Variants in CCDC171 observed in about 807,000 individuals in gnomAD.
CCDC171 encodes coiled-coil domain containing 171, also known as coiled-coil domain-containing protein 171.
Under a neutral mutation model 168.2 loss-of-function variants are expected in CCDC171, and 177 were observed. The observed-to-expected ratio is 1.05, with a 90% CI of 0.93 to 1.19. The LOEUF (loss-of-function observed/expected upper bound fraction) is 1.19, where lower values mean the gene tolerates loss of function less well. CCDC171 is among the 50% of genes most tolerant of loss of function. The pLI, the probability that CCDC171 is intolerant of heterozygous loss-of-function variation, is 0.00. For missense variants in CCDC171, 1,991 were observed against 1,539.0 expected, an observed-to-expected ratio of 1.29 and a Z score of -4.91; for synonymous variants, 687 against 540.8, an observed-to-expected ratio of 1.27 and a Z score of -3.75.
chr9:15,920,532 A>G (rs1257159668), intron 25 of CCDC171, 110 bp downstream of exon 25: 1 of 751,540 alleles, frequency 1.3e-6, no homozygotes, highest in African/African-American at 1.8e-5. Flanking sequence ...AATTTAGGGT[A>G]AATGATCAAT....
At chr9:15,965,649 A>G (rs989579157) in intron 25 of CCDC171, among the ~76,000 whole-genome samples, 3 of 152,244 alleles carry the variant, frequency 2.0e-5, no homozygotes, top group Non-Finnish European at 4.4e-5. Flanking sequence ...CTATAATTGT[A>G]AAGTTAGAAT....
intron 25 of CCDC171, among the ~76,000 whole-genome samples, chr9:15,936,488 T>A (rs950409652): frequency 6.6e-6 from 1 of 152,000 alleles, no homozygotes; most frequent in African/African-American, 2.4e-5. Context: ...CATCTCATTG[T>A]GTGCAGCTGC....
the CCDC171 span, among the ~76,000 whole-genome samples, chr9:16,086,725 C>T: frequency 8.6e-5 from 13 of 152,038 alleles, no homozygotes; most frequent in East Asian, 9.7e-4. Flanking sequence ...AGTTTGGCTC[C>T]GATCTTAGTT....
intron 10 of CCDC171, among the ~76,000 whole-genome samples, chr9:15,680,168 T>G (rs1257433765): frequency 1.1e-4 from 16 of 152,212 alleles, no homozygotes. Flanking sequence ...TTACTTCATT[T>G]TACATACCTA....
intron 25 of CCDC171, among the ~76,000 whole-genome samples, chr9:15,944,279 C>G (rs550686181): frequency 2.0e-5 from 3 of 152,074 alleles, no homozygotes. Flanking sequence ...GTCATCTACA[C>G]TTAATTATTG....
chr9:15,884,307 A>G (rs184952265), intron 24 of CCDC171, among the ~76,000 whole-genome samples: 32 of 152,348 alleles, frequency 2.1e-4, no homozygotes, highest in African/African-American at 7.7e-4. Flanking sequence ...TTAGAAAATT[A>G]AATCGCACTA....
chr9:15,570,378 A>G (rs1157889504), intron 2 of CCDC171, among the ~76,000 whole-genome samples: 1 of 151,410 alleles, frequency 6.6e-6, no homozygotes, highest in Admixed American at 6.6e-5. Context: ...TTTAGTAGAC[A>G]ATGTTAGTTT....
chr9:15,905,860 A>G (rs2131721429), intron 24 of CCDC171, among the ~76,000 whole-genome samples: 1 of 152,324 alleles, frequency 6.6e-6, no homozygotes, highest in East Asian at 1.9e-4. Flanking sequence ...AATCCCAAAG[A>G]AATACAAACT....
Position 15,603,676 on chromosome 9 carries a change from A to G in CCDC171, c.675+9504A>G, listed in dbSNP as rs181531274. 1.2e-3 allele frequency among the ~76,000 whole-genome samples: 175 copies of G among 151,398 alleles called. 1 individual carries two copies. The highest frequency in any genetic ancestry group is 3.9e-3 in the Admixed American group (60 of 15,282). Reference sequence around the variant, plus strand: ...ATCGATGGGCATTTGGGTTGATTCCATCTCTTTGCTATTGTGAATAGTGCT... The same window carrying G: ...ATCGATGGGCATTTGGGTTGATTCCGTCTCTTTGCTATTGTGAATAGTGCT... On this transcript the variant is annotated intron_variant, in intron 6 of 25. Transcript: ENST00000380701.
At chr9:15,580,158 C>A (rs963776349) in intron 4 of CCDC171, among the ~76,000 whole-genome samples, 1 of 152,166 alleles carries the variant, frequency 6.6e-6, no homozygotes, top group Non-Finnish European at 1.5e-5. Context: ...GGATACTTGG[C>A]AAGCCACATG....
chr9:15,977,424 G>C (rs1831658274), downstream of CCDC171, among the ~76,000 whole-genome samples: 1 of 152,188 alleles, frequency 6.6e-6, no homozygotes, highest in Non-Finnish European at 1.5e-5. Context: ...GTATGGGAAG[G>C]AGATAAATCA....
intron 18 of CCDC171, among the ~76,000 whole-genome samples, chr9:15,769,410 C>T (rs2135247078): frequency 6.6e-6 from 1 of 152,262 alleles, no homozygotes; most frequent in South Asian, 2.1e-4. Flanking sequence ...GGGTAGAATT[C>T]AGCAGAGCTG....
At chr9:15,691,427 T>A (rs2050767803) in intron 10 of CCDC171, among the ~76,000 whole-genome samples, 1 of 150,320 alleles carries the variant, frequency 6.7e-6, no homozygotes, top group South Asian at 2.1e-4. Context: ...CCTGTGAGAA[T>A]TGAATTACCT....
chr9:15,687,935 G>A (rs1166741172), intron 10 of CCDC171, among the ~76,000 whole-genome samples: 3 of 151,984 alleles, frequency 2.0e-5, no homozygotes, highest in Middle Eastern at 3.4e-3. Context: ...CCTGGCCAAC[G>A]TAGCGAAACC....
At chr9:15,582,991 G>T (rs1298073301) in intron 4 of CCDC171, among the ~76,000 whole-genome samples, 2 of 151,308 alleles carry the variant, frequency 1.3e-5, no homozygotes, top group African/African-American at 4.9e-5. Flanking sequence ...CCACTACTGG[G>T]TATCTTCCCA....
intron 7 of CCDC171, 58 bp downstream of exon 7, chr9:15,623,471 G>GCTCACACACACA: frequency 2.0e-6 from 1 of 505,240 alleles, no homozygotes; most frequent in Admixed American, 3.9e-5. Context: ...ATATGCGCGC[G>GCTCACACACACA]CGCGCACACA....
rs143959566 is a variant in CCDC171, at chr9:15,894,078, A to G, written c.3600+19415A>G. On this transcript the variant is annotated intron_variant, in intron 24 of 25. Coordinates refer to ENST00000380701, the MANE Select transcript of CCDC171 (RefSeq NM_173550.4). ...AAAGAAAATGTGGTACATACACACC[A>G]TGGAATACTGTGCAGTCGTAAAACA... is the stretch of plus-strand genomic sequence containing the variant. 6.9e-3 allele frequency among the ~76,000 whole-genome samples: 1,047 copies of G among 152,336 alleles called. 4 individuals carry two copies. Among genetic ancestry groups the G allele is most frequent in the Non-Finnish European group, 0.01 (697 of 68,026 alleles).
At chr9:15,853,670 C>T (rs903687290) in intron 23 of CCDC171, among the ~76,000 whole-genome samples, 9 of 151,546 alleles carry the variant, frequency 5.9e-5, no homozygotes, top group Non-Finnish European at 1.0e-4. Context: ...TTGTTTTCTT[C>T]TTAATCTTAA....
At chr9:15,961,902 G>T (rs1830373433) in intron 25 of CCDC171, among the ~76,000 whole-genome samples, 1 of 152,082 alleles carries the variant, frequency 6.6e-6, no homozygotes, top group Non-Finnish European at 1.5e-5. Flanking sequence ...GTAATTTTGT[G>T]TACCGTTTTT....
Sources: allele counts gnomAD v4.1 joint callset (sites outside exome capture counted in the v4.1 genomes callset), GRCh38; gene constraint gnomAD v4.1.1; transcripts MANE v1.5; gene names NCBI Gene and HGNC (gene_info 2026-07-23, HGNC 2026-07-21).